Variants in PCDHGA2 observed in about 807,000 individuals in gnomAD.
The protein encoded by PCDHGA2 is protocadherin gamma subfamily A, 2.
PCDHGA2 carries 40 observed loss-of-function variants against 59.2 expected under a neutral mutation model. That is an observed-to-expected ratio of 0.68 (90% CI 0.52 to 0.88). The LOEUF (loss-of-function observed/expected upper bound fraction) is 0.88, where lower values mean the gene tolerates loss of function less well. Ranked by LOEUF, PCDHGA2 falls within the 40% of genes least tolerant of loss-of-function variation. PCDHGA2 has a pLI of 0.00. For missense variants in PCDHGA2, 1,226 were observed against 1,204.0 expected (o/e 1.02, Z -0.27); for synonymous variants, 560 against 526.0 (o/e 1.06, Z -0.89).
chr5:141,390,650 G>A lies in PCDHGA2; in HGVS notation c.2424+49255G>A, dbSNP rs750733568. ...TATGATGAATACTTTTTTCAGCTTG[G>A]ATATACCATAAATATAAAAATAATA... On this transcript the variant is annotated intron_variant, in intron 1 of 3. Coordinates refer to ENST00000394576, the MANE Select transcript of PCDHGA2 (RefSeq NM_018915.4). 69 of 210,892 alleles carry A rather than the reference G, an allele frequency of 3.3e-4. 1 individual carries two copies. The highest frequency in any genetic ancestry group is 5.4e-4 in the Non-Finnish European group (57 of 106,318). The allele number at this position is 210,892 out of a possible 1,614,324, so 13.1% of individuals were successfully genotyped here.
chr5:141,398,088 C>T lies in PCDHGA2; in HGVS notation c.2424+56693C>T, dbSNP rs781722295. On this transcript the variant is annotated intron_variant, in intron 1 of 3. Coordinates refer to ENST00000394576, the MANE Select transcript of PCDHGA2 (RefSeq NM_018915.4). ...AATACAGAGGTTATTTGTAACCTGGCGTCTCCAGGCTGGTGAGCAAGCTGA... is the reference window on the plus strand; with the variant it reads ...AATACAGAGGTTATTTGTAACCTGGTGTCTCCAGGCTGGTGAGCAAGCTGA... The T allele has an allele frequency of 1.1e-5, 18 of 1,598,420 alleles. 1 individual carries two copies. In the South Asian group the frequency reaches 1.9e-4, roughly 17 times the overall value.
intron 1 of PCDHGA2, among the ~76,000 whole-genome samples, chr5:141,472,042 T>C (rs2099270232): frequency 2.0e-5 from 3 of 152,146 alleles, no homozygotes; most frequent in African/African-American, 7.2e-5. Context: ...TGTGAAAAGA[T>C]TTTAAAAATG....
At chr5:141,366,474 G>T (rs1339425803) in intron 1 of PCDHGA2, 10 of 1,614,248 alleles carry the variant, frequency 6.2e-6, no homozygotes, top group Non-Finnish European at 8.5e-6. Context: ...CTGGTGCTCA[G>T]ACTGAGGCGC....
At chr5:141,433,935 T>G (rs2097665519) in intron 1 of PCDHGA2, among the ~76,000 whole-genome samples, 2 of 152,150 alleles carry the variant, frequency 1.3e-5, no homozygotes, top group African/African-American at 2.4e-5. Context: ...GATTTTATAA[T>G]TCCATTGTTT....
Position 141,357,641 on chromosome 5 carries a change from G to A in PCDHGA2, c.2424+16246G>A, listed in dbSNP as rs773379210. On this transcript the variant is annotated intron_variant, in intron 1 of 3. Coordinates refer to ENST00000394576, the MANE Select transcript of PCDHGA2 (RefSeq NM_018915.4). Reference sequence around the variant, plus strand: ...CTTCAGGTGAGTCAATCTTATAATAGATCATACCACACTGAAATATAGACA... The same window carrying A: ...CTTCAGGTGAGTCAATCTTATAATAAATCATACCACACTGAAATATAGACA... 6 of 1,611,778 alleles carry A rather than the reference G, an allele frequency of 3.7e-6. No individual in the cohort carries two copies. In the Admixed American group the frequency reaches 1.0e-4, roughly 27 times the overall value.
chr5:141,483,750 A>G (rs1453478545), intron 1 of PCDHGA2, among the ~76,000 whole-genome samples: 1 of 152,138 alleles, frequency 6.6e-6, no homozygotes, highest in African/African-American at 2.4e-5. Flanking sequence ...ATTCCTGAGG[A>G]TCGAGGCTTG....
chr5:141,421,855 C>T (rs1329066630), intron 1 of PCDHGA2: 1 of 1,613,764 alleles, frequency 6.2e-7, no homozygotes, highest in East Asian at 2.2e-5. Context: ...GGCTGCTCAC[C>T]TGCTCCTCCT....
intron 1 of PCDHGA2, chr5:141,371,065 G>GT (rs1255340966): frequency 2.5e-6 from 4 of 1,613,804 alleles, no homozygotes; most frequent in Non-Finnish European, 2.5e-6. Flanking sequence ...TCCAGAAGCT[G>GT]TACCACCCAG....
chr5:141,476,843 G>A lies in PCDHGA2; in HGVS notation c.2425-17964G>A, dbSNP rs2099399765. On this transcript the variant is annotated intron_variant, in intron 1 of 3. Transcript: ENST00000394576. The surrounding 1 kb of genome is among the most constrained non-coding windows in gnomAD (Gnocchi z 7.6). ...GCTGGACGCGAATGACAATGCGCCT[G>A]TCTTCAACCAGTCCTTGTACCGGGC... 1 of 1,613,706 alleles carries A rather than the reference G, an allele frequency of 6.2e-7. No individual in the cohort carries two copies. Among genetic ancestry groups the A allele is most frequent in the Non-Finnish European group, 8.5e-7 (1 of 1,180,046 alleles).
rs757158343 is a variant in PCDHGA2, at chr5:141,346,466, A to G, written c.2424+5071A>G. The G allele has an allele frequency of 5.0e-6, 8 of 1,613,876 alleles. No individual in the cohort carries two copies. In the Admixed American group the frequency reaches 1.3e-4, roughly 27 times the overall value. On this transcript the variant is annotated intron_variant, in intron 1 of 3. Transcript: ENST00000394576. ...ATTCCAACCTACTTCAGGTGAGTTTATTTATTTCTTTGATTATTAAGAACA... is the reference window on the plus strand; with the variant it reads ...ATTCCAACCTACTTCAGGTGAGTTTGTTTATTTCTTTGATTATTAAGAACA...
Position 141,338,912 on chromosome 5 carries a change from A to G in PCDHGA2, c.-60A>G. On this transcript the variant is annotated 5_prime_UTR_variant, in exon 1 of 4. Transcript: ENST00000394576. ...GGTTATCTCACACCCTGAGGAATAA[A>G]GATTGGAATCCGCACTGGATGCTGG... 7 of 1,505,092 alleles carry G rather than the reference A, an allele frequency of 4.7e-6. No homozygotes were observed. In the South Asian group the frequency reaches 9.6e-5, roughly 21 times the overall value. The allele number at this position is 1,505,092 out of a possible 1,614,324, so 93.2% of individuals were successfully genotyped here.
At position 141,393,513 on chromosome 5, in the gene PCDHGA2, G is replaced by A. The variant is rs376672994; in HGVS notation, c.2424+52118G>A. The A allele has an allele frequency of 6.6e-5, 107 of 1,614,000 alleles. 1 individual carries two copies. In the Middle Eastern group the frequency reaches 1.3e-3, roughly 20 times the overall value. ...AGTGCGCATCCACGTGACAGTGTTG[G>A]ATACAAATGACAATGCCCCGGTTTT... On this transcript the variant is annotated intron_variant, in intron 1 of 3. Transcript: ENST00000394576.
chr5:141,445,134 A>G lies in PCDHGA2; in HGVS notation c.2425-49673A>G, dbSNP rs900226020. ...TTGTAAATAGTATTTTTAAAATTGT[A>G]TCTTCTAATTGTTCATTTCTAGTTT... On this transcript the variant is annotated intron_variant, in intron 1 of 3. Transcript: ENST00000394576. Among the ~76,000 whole-genome samples, 174 of 152,316 alleles carry G rather than the reference A, an allele frequency of 1.1e-3. 4 individuals carry two copies. The highest frequency in any genetic ancestry group is 5.3e-4 in the Non-Finnish European group (36 of 68,016).
rs1262043820 is a variant in PCDHGA2, at chr5:141,415,755, T to TTG, written c.2424+74361_2424+74362insGT. Reference sequence around the variant, plus strand: ...GTTTATTAAGGTTTTTTTTTTTTTTTTTTTTTTTTTTTTTTTTACTTTCTG... The same window carrying TTG: ...GTTTATTAAGGTTTTTTTTTTTTTTTTGTTTTTTTTTTTTTTTTTACTTTCTG... On this transcript the variant is annotated intron_variant, in intron 1 of 3. Transcript: ENST00000394576. 56 of 1,387,630 alleles carry TTG rather than the reference T, an allele frequency of 4.0e-5. No individual in the cohort carries two copies. The African/African-American group carries it at 7.5e-4, about 19-fold the overall frequency. The allele number at this position is 1,387,630 out of a possible 1,614,324, so 86.0% of individuals were successfully genotyped here. A position where few individuals can be genotyped will look rare whatever the true frequency, so the allele number is the denominator to read the frequency against.
chr5:141,340,804 C>T lies in PCDHGA2; in HGVS notation c.1833C>T (p.Ala611=), dbSNP rs778711348. 5 of 1,613,750 alleles carry T rather than the reference C, an allele frequency of 3.1e-6. No homozygotes were observed. The Admixed American group carries it at 8.3e-5, about 27-fold the overall frequency. ...NAWLSYHLLK[A]SEPGLFSVGL... ...GGCTGTCTTACCACCTGCTCAAGGCCAGCGAGCCGGGACTCTTCTCGGTGG... is the reference window on the plus strand; with the variant it reads ...GGCTGTCTTACCACCTGCTCAAGGCTAGCGAGCCGGGACTCTTCTCGGTGG... Residue 611 remains alanine (A), a synonymous_variant, in exon 1 of 4, where the codon GCC becomes GCT. Transcript: ENST00000394576.
chr5:141,486,012 A>C lies in PCDHGA2; in HGVS notation c.2425-8795A>C. The C allele has an allele frequency of 1.9e-6, 3 of 1,614,064 alleles. No homozygotes were observed. The highest frequency in any genetic ancestry group is 2.5e-6 in the Non-Finnish European group (3 of 1,179,984). On this transcript the variant is annotated intron_variant, in intron 1 of 3. Coordinates refer to ENST00000394576, the MANE Select transcript of PCDHGA2 (RefSeq NM_018915.4). The surrounding 1 kb of genome is among the most constrained non-coding windows in gnomAD (Gnocchi z 5.0). ...GGTCCCAGTGGTAACGTCACCTTTT[A>C]TTTCAGTGGTCATACCCCTGATCGT...
In PCDHGA2 at chr5:141,418,429, A is replaced by G. The variant is rs765952024; in HGVS notation, c.2425-76378A>G. ...AGAAAGACAATCCTGATGGTGGCAAATATCCAGAATTAGTATTGCAGAAGA... is the reference window on the plus strand; with the variant it reads ...AGAAAGACAATCCTGATGGTGGCAAGTATCCAGAATTAGTATTGCAGAAGA... On this transcript the variant is annotated intron_variant, in intron 1 of 3. Transcript: ENST00000394576. 8.7e-6 allele frequency: 14 copies of G among 1,613,972 alleles called. No homozygotes were observed. In the South Asian group the frequency reaches 1.5e-4, roughly 18 times the overall value.
chr5:141,456,263 T>C (rs2098847567), intron 1 of PCDHGA2, among the ~76,000 whole-genome samples: 2 of 152,292 alleles, frequency 1.3e-5, no homozygotes, highest in South Asian at 2.1e-4. Flanking sequence ...CCATTGCTTC[T>C]GGCTACTTCC....
intron 1 of PCDHGA2, chr5:141,372,483 GC>G (rs762661083): frequency 1.9e-6 from 3 of 1,614,028 alleles, no homozygotes; most frequent in Non-Finnish European, 2.5e-6. Flanking sequence ...AGTGGCGTTG[GC>G]CTTGATCTCA....
Sources: gnomAD v4.1 joint callset for allele counts (sites outside exome capture counted in the v4.1 genomes callset) on GRCh38, gnomAD v4.1.1 for gene constraint, Gnocchi (gnomAD v3.1) non-coding constraint, MANE v1.5 for transcripts, NCBI Gene and HGNC (gene_info 2026-07-23, HGNC 2026-07-21) for gene names.